The following YIPF1 variants were observed in gnomAD, a reference collection of about 807,000 sequenced individuals.
YIPF1 encodes the protein protein YIPF1.
YIPF1 carries 22 observed loss-of-function variants against 37.0 expected under a neutral mutation model. The ratio of observed to expected loss-of-function variants is 0.59; its 90% CI spans 0.42 to 0.85. The LOEUF (loss-of-function observed/expected upper bound fraction) is 0.85. Among genes scored for constraint, YIPF1 ranks in the 40% least tolerant of loss-of-function variants. The pLI is 0.00. For synonymous variants in YIPF1, 128 were observed against 131.9 expected (o/e 0.97, Z 0.21); for missense variants, 355 against 373.1 (o/e 0.95, Z 0.40).
intron 9 of YIPF1, among the ~76,000 whole-genome samples, chr1:53,865,478 T>C (rs924059460): frequency 5.3e-5 from 8 of 152,332 alleles, no homozygotes; most frequent in Middle Eastern, 3.4e-3. Flanking sequence ...CTAGGTATTA[T>C]GAGTAATCTG....
chr1:53,881,872 G>T (rs754449477), intron 4 of YIPF1, among the ~76,000 whole-genome samples: 3 of 152,192 alleles, frequency 2.0e-5, no homozygotes, highest in Non-Finnish European at 4.4e-5. Context: ...TATACCCAGA[G>T]AAATATAAAT....
At chr1:53,887,587 G>A (rs1650690136) in intron 3 of YIPF1, among the ~76,000 whole-genome samples, 1 of 152,066 alleles carries the variant, frequency 6.6e-6, no homozygotes, top group African/African-American at 2.4e-5. Context: ...AGTGGTGGAG[G>A]TGGTCAGATG....
intron 4 of YIPF1, among the ~76,000 whole-genome samples, chr1:53,881,600 A>G (rs1222570004): frequency 1.3e-5 from 2 of 152,226 alleles, no homozygotes; most frequent in Non-Finnish European, 2.9e-5. Flanking sequence ...TGGCCAAAAA[A>G]CATATGAAAG....
intron 3 of YIPF1, among the ~76,000 whole-genome samples, chr1:53,888,112 G>C (rs12028193): frequency 0.033 from 4,993 of 152,282 alleles, 141 homozygotes; most frequent in East Asian, 0.12. Context: ...TGTAGTTCCA[G>C]CTACTCAGAA....
intron 7 of YIPF1, among the ~76,000 whole-genome samples, chr1:53,868,949 A>C (rs1362480304): frequency 6.6e-6 from 1 of 152,202 alleles, no homozygotes; most frequent in Non-Finnish European, 1.5e-5. Flanking sequence ...CTAGCTTTCT[A>C]ACCACTGAAC....
At chr1:53,886,700 G>C (rs1284825984) in intron 3 of YIPF1, 1 of 151,796 alleles carries the variant, frequency 6.6e-6, no homozygotes, top group Non-Finnish European at 1.5e-5. Context: ...CCGTGATCTG[G>C]AACACAAGTG....
chr1:53,876,222 A>G (rs1650331207), intron 6 of YIPF1, among the ~76,000 whole-genome samples: 1 of 152,052 alleles, frequency 6.6e-6, no homozygotes, highest in African/African-American at 2.4e-5. Flanking sequence ...TATTCTTCTA[A>G]TTTGTGGGAG....
intron 7 of YIPF1, among the ~76,000 whole-genome samples, chr1:53,870,189 T>TTTTTG: frequency 9.6e-6 from 1 of 104,348 alleles, no homozygotes; most frequent in Non-Finnish European, 1.9e-5. Flanking sequence ...TTTTTTTTTT[T>TTTTTG]GAGACAGTGA....
chr1:53,860,299 C>T, intron 9 of YIPF1, 146 bp from the exon 10 acceptor site: 1 of 724,948 alleles, frequency 1.4e-6, no homozygotes, highest in Non-Finnish European at 2.3e-6. Flanking sequence ...AAACTACAAC[C>T]ATCTCTGTTT....
At chr1:53,875,973 A>C (rs6678606) in intron 6 of YIPF1, among the ~76,000 whole-genome samples, 68,183 of 152,102 alleles carry the variant, frequency 0.45, 16,459 homozygotes, top group African/African-American at 0.64. Flanking sequence ...CAGTAAATTA[A>C]AAATTGCCTA....
intron 7 of YIPF1, among the ~76,000 whole-genome samples, chr1:53,870,162 T>C (rs12124761): frequency 0.12 from 5,420 of 43,566 alleles, 441 homozygotes; most frequent in East Asian, 0.22. Context: ...CCGGGTCTCT[T>C]TTTTTTTTTT....
chr1:53,868,336 C>T (rs1297470847), intron 7 of YIPF1, among the ~76,000 whole-genome samples: 1 of 152,116 alleles, frequency 6.6e-6, no homozygotes, highest in Admixed American at 6.6e-5. Flanking sequence ...ATACAGACTC[C>T]ATGGGTTCTA....
intron 4 of YIPF1, among the ~76,000 whole-genome samples, chr1:53,881,254 AAAAAAAAGAAAAAG>A (rs1650490580): frequency 6.7e-6 from 1 of 150,320 alleles, no homozygotes; most frequent in South Asian, 2.1e-4. Flanking sequence ...CAAAAAAAAA[AAAAAAAAGAAAAAG>A]AAAGAAAATC....
chr1:53,884,994 TA>T (rs747010312), intron 3 of YIPF1, among the ~76,000 whole-genome samples: 2 of 152,180 alleles, frequency 1.3e-5, no homozygotes, highest in Non-Finnish European at 2.9e-5. Flanking sequence ...ATGCAACAAT[TA>T]CTGAAGCCTC....
chr1:53,869,068 CAAG>C (rs769078568), intron 7 of YIPF1, among the ~76,000 whole-genome samples: 2 of 151,170 alleles, frequency 1.3e-5, no homozygotes, highest in Non-Finnish European at 2.9e-5. Context: ...CCATGATGGA[CAAG>C]AAGGGAAAGT....
In YIPF1 at chr1:53,883,148, C is replaced by T; in HGVS notation, c.160G>A (p.Glu54Lys). The T allele has an allele frequency of 6.3e-7, 1 of 1,596,514 alleles. No homozygotes were observed. The highest frequency in any genetic ancestry group is 8.5e-7 in the Non-Finnish European group (1 of 1,173,620). Reference sequence around the variant, plus strand: ...TCAGAGTCATCATTTCCCAGTAACTCATCATCTTCTTCTCTTCCTGAGCCT... The same window carrying T: ...TCAGAGTCATCATTTCCCAGTAACTTATCATCTTCTTCTCTTCCTGAGCCT... ...PRGSGREEDD[E>K]LLGNDDSDKT... Residue 54 changes from glutamate (E) to lysine (K), a missense_variant, in exon 4 of 11, where the codon GAG becomes AAG. By Grantham distance (56) the Glu-to-Lys change is moderately conservative. Transcript: ENST00000072644.
chr1:53,883,213 T>A lies in YIPF1; in HGVS notation c.95A>T (p.Asp32Val). Reference sequence around the variant, plus strand: ...CTGATGTTTTGGGGTTTCACCAGGATCCTCAATGTTTACTGTGGTGGCATC... The same window carrying A: ...CTGATGTTTTGGGGTTTCACCAGGAACCTCAATGTTTACTGTGGTGGCATC... ...NPDATTVNIEDPGETPKHQPG... is the reference protein window; with the variant it reads ...NPDATTVNIEVPGETPKHQPG... Residue 32 changes from aspartate to valine, a missense_variant, in exon 4 of 11, where the codon GAT (aspartate) becomes GTT (valine). Physicochemically the swap from Asp to Val is radical, Grantham distance 152. Transcript: ENST00000072644. 1.3e-6 allele frequency: 2 copies of A among 1,596,562 alleles called. No homozygotes were observed. The highest frequency in any genetic ancestry group is 1.7e-6 in the Non-Finnish European group (2 of 1,172,740).
In YIPF1 at chr1:53,885,612, G is replaced by A. The variant is rs529127834; in HGVS notation, c.32-2336C>T. Reference sequence around the variant, plus strand: ...GAGGCGAGCAGATCACTTGAGGTCAGGAGTTCGAGACCAGGCTGGCCAACA... The same window carrying A: ...GAGGCGAGCAGATCACTTGAGGTCAAGAGTTCGAGACCAGGCTGGCCAACA... On this transcript the variant is annotated intron_variant, in intron 3 of 10. Coordinates refer to ENST00000072644, the MANE Select transcript of YIPF1 (RefSeq NM_018982.5). Among the ~76,000 whole-genome samples the A allele has an allele frequency of 2.0e-4, 31 of 152,118 alleles. 1 individual carries two copies. The highest frequency in any genetic ancestry group is 7.2e-4 in the African/African-American group (30 of 41,416).
chr1:53,875,959 A>T (rs1402652149), intron 6 of YIPF1, among the ~76,000 whole-genome samples: 3 of 152,198 alleles, frequency 2.0e-5, no homozygotes, highest in Non-Finnish European at 4.4e-5. Context: ...CTTATTGTTA[A>T]GCTCAGTAAA....
Sources: gnomAD v4.1 joint callset for allele counts (sites outside exome capture counted in the v4.1 genomes callset) on GRCh38, gnomAD v4.1.1 for gene constraint, MANE v1.5 for transcripts, NCBI Gene and HGNC (gene_info 2026-07-23, HGNC 2026-07-21) for gene names.